The following AGBL1 variants were observed in gnomAD, a reference collection of about 807,000 sequenced individuals.
AGBL1 encodes the protein AGBL carboxypeptidase 1.
Under a neutral mutation model 118.9 loss-of-function variants are expected in AGBL1, and 130 were observed. The ratio of observed to expected loss-of-function variants is 1.09; its 90% CI spans 0.95 to 1.26. AGBL1 has a LOEUF of 1.26. Among genes scored for constraint, AGBL1 ranks in the 50% most tolerant of loss-of-function variants. AGBL1 has a pLI of 0.00. For synonymous variants in AGBL1, 555 were observed against 478.9 expected, an observed-to-expected ratio of 1.16 and a Z score of -2.08; for missense variants, 1,584 against 1,298.1, an observed-to-expected ratio of 1.22 and a Z score of -3.38.
intron 17 of AGBL1, among the ~76,000 whole-genome samples, chr15:86,367,113 C>G (rs566324923): frequency 6.6e-6 from 1 of 152,058 alleles, no homozygotes; most frequent in Admixed American, 6.6e-5. Context: ...TGTTTAGAAC[C>G]AAGTGACAAA....
At chr15:86,707,632 C>T (rs1473062176) in intron 22 of AGBL1, among the ~76,000 whole-genome samples, 4 of 152,084 alleles carry the variant, frequency 2.6e-5, no homozygotes, top group Non-Finnish European at 5.9e-5. Flanking sequence ...AGAAACCACA[C>T]CAAAGAAAAG....
rs1314965402 is a variant in AGBL1 at position 86,674,343 on chromosome 15, A to G, written c.3065A>G (p.Glu1022Gly). 3 of 1,612,360 alleles carry G rather than the reference A, an allele frequency of 1.9e-6. No homozygotes were observed. The African/African-American group carries it at 4.0e-5, about 22-fold the overall frequency. Residue 1022 changes from glutamate (E) to glycine (G), a missense_variant, in exon 22 of 23, where the codon GAG (glutamate) becomes GGG (glycine). Coordinates refer to ENST00000614907, the MANE Select transcript of AGBL1 (RefSeq NM_001386094.1). ...TTCTGTTTGGGCCTCCTCATCCTGG[A>G]GCTCAAATCTGCCAGCTGCAGCCAT... is the stretch of plus-strand genomic sequence containing the variant. ...AMFCLGLLIL[E>G]LKSASCSHQL...
At chr15:87,002,619 G>A (rs1367514792) in intron 24 of AGBL1, among the ~76,000 whole-genome samples, 4 of 152,176 alleles carry the variant, frequency 2.6e-5, no homozygotes, top group Admixed American at 1.3e-4. Flanking sequence ...AGCTTGGAAT[G>A]TTCTTCCATT....
chr15:86,291,207 A>G (rs2079539702), intron 16 of AGBL1, among the ~76,000 whole-genome samples: 1 of 152,196 alleles, frequency 6.6e-6, no homozygotes, highest in African/African-American at 2.4e-5. Context: ...TTTGCTCATG[A>G]GCAAAAACTT....
chr15:86,398,980 T>C (rs2081405978), intron 18 of AGBL1, among the ~76,000 whole-genome samples: 1 of 152,122 alleles, frequency 6.6e-6, no homozygotes, highest in Admixed American at 6.6e-5. Context: ...GCTTAGCTGT[T>C]GCCAGACTTC....
intron 1 of AGBL1, among the ~76,000 whole-genome samples, chr15:86,094,158 T>A (rs1358360877): frequency 6.6e-6 from 1 of 152,178 alleles, no homozygotes; most frequent in Non-Finnish European, 1.5e-5. Context: ...TAGAGCTAAA[T>A]CTATAATTGA....
intron 24 of AGBL1, among the ~76,000 whole-genome samples, chr15:87,027,389 A>G (rs539465496): frequency 3.9e-4 from 60 of 152,074 alleles, no homozygotes; most frequent in African/African-American, 1.3e-3. Context: ...CAAAGACAGG[A>G]GGCAGAAATA....
At chr15:86,754,276 T>C (rs2077900451) in intron 22 of AGBL1, among the ~76,000 whole-genome samples, 1 of 152,140 alleles carries the variant, frequency 6.6e-6, no homozygotes, top group African/African-American at 2.4e-5. Flanking sequence ...TGTCTTTTCA[T>C]GCAGATATAT....
At chr15:86,501,196 C>T (rs1252571592) in intron 18 of AGBL1, among the ~76,000 whole-genome samples, 4 of 151,614 alleles carry the variant, frequency 2.6e-5, no homozygotes, top group Non-Finnish European at 5.9e-5. Flanking sequence ...TTTTAGCCAT[C>T]GGAGTGGGTA....
chr15:86,955,889 ATGTTAT>A (rs911810907), intron 23 of AGBL1, among the ~76,000 whole-genome samples: 1 of 152,058 alleles, frequency 6.6e-6, no homozygotes, highest in African/African-American at 2.4e-5. Context: ...AATAATATAT[ATGTTAT>A]TGTGGCCATG....
chr15:86,622,240 G>C (rs1271975051), intron 21 of AGBL1, among the ~76,000 whole-genome samples: 5 of 150,666 alleles, frequency 3.3e-5, no homozygotes, highest in African/African-American at 1.2e-4. Flanking sequence ...TGAGTCAGGA[G>C]AATCTCTTGA....
At chr15:86,520,825 T>C (rs2142197125) in intron 18 of AGBL1, among the ~76,000 whole-genome samples, 1 of 152,316 alleles carries the variant, frequency 6.6e-6, no homozygotes, top group Non-Finnish European at 1.5e-5. Context: ...TGCCTGCAAG[T>C]ACCTTGATTT....
intron 5 of AGBL1, among the ~76,000 whole-genome samples, chr15:86,184,429 C>CTTTTTTTTTTT (rs199807402): frequency 3.5e-5 from 5 of 144,454 alleles, no homozygotes; most frequent in African/African-American, 7.5e-5. Flanking sequence ...TTTCTTTTTT[C>CTTTTTTTTTTT]TTTCTTTTTT....
intron 5 of AGBL1, among the ~76,000 whole-genome samples, chr15:86,186,037 A>G (rs1004867692): frequency 6.6e-6 from 1 of 152,126 alleles, no homozygotes; most frequent in East Asian, 1.9e-4. Flanking sequence ...TCATCACTAG[A>G]TCTGGTTTAT....
intron 23 of AGBL1, among the ~76,000 whole-genome samples, chr15:86,962,701 C>T (rs765627): frequency 0.63 from 96,353 of 151,766 alleles, 31,312 homozygotes; most frequent in South Asian, 0.85. Context: ...AAACATATTT[C>T]GAGGCAGGTC....
chr15:87,021,080 C>T (rs950410555), intron 24 of AGBL1, among the ~76,000 whole-genome samples: 5 of 152,140 alleles, frequency 3.3e-5, no homozygotes, highest in African/African-American at 1.2e-4. Context: ...GGAGGCATCA[C>T]ACTACCTGGC....
downstream of AGBL1, among the ~76,000 whole-genome samples, chr15:87,031,129 A>G (rs899063268): frequency 6.6e-6 from 1 of 151,966 alleles, no homozygotes; most frequent in African/African-American, 2.4e-5. Flanking sequence ...AACAAATTCA[A>G]CCTTCCCTTA....
At chr15:86,981,264 AATTT>A (rs1346452658) in intron 23 of AGBL1, among the ~76,000 whole-genome samples, 2 of 152,192 alleles carry the variant, frequency 1.3e-5, no homozygotes, top group Non-Finnish European at 2.9e-5. Context: ...GAATATTTTA[AATTT>A]ATTAGTATAT....
chr15:86,377,682 G>C (rs1254230531), intron 17 of AGBL1, among the ~76,000 whole-genome samples: 1 of 152,148 alleles, frequency 6.6e-6, no homozygotes, highest in Non-Finnish European at 1.5e-5. Context: ...GCAGCTTTAA[G>C]TTACCATGTA....
Sources: allele counts gnomAD v4.1 joint callset (sites outside exome capture counted in the v4.1 genomes callset), GRCh38; gene constraint gnomAD v4.1.1; transcripts MANE v1.5; gene names NCBI Gene and HGNC (gene_info 2026-07-23, HGNC 2026-07-21).